The following PCSK6 variants were observed in gnomAD, a reference collection of about 807,000 sequenced individuals.
PCSK6 encodes paired basic amino acid cleaving enzyme 4.
A neutral mutation model predicts 123.3 loss-of-function variants in PCSK6; 85 were observed. The ratio of observed to expected loss-of-function variants is 0.69; its 90% confidence interval spans 0.58 to 0.83. The LOEUF (loss-of-function observed/expected upper bound fraction) is 0.83, where lower values mean the gene tolerates loss of function less well. PCSK6 is among the 40% of genes least tolerant of loss of function. PCSK6 has a pLI of 0.00. For synonymous variants in PCSK6, 508 were observed against 516.0 expected (o/e 0.98, Z 0.21); for missense variants, 1,191 against 1,282.3 (o/e 0.93, Z 1.09).
chr15:101,437,590 T>G (rs2056637946), intron 2 of PCSK6, among the ~76,000 whole-genome samples: 1 of 152,154 alleles, frequency 6.6e-6, no homozygotes, highest in African/African-American at 2.4e-5. Flanking sequence ...TTCTTTCCAT[T>G]GAAGTTAAAC....
chr15:101,306,045 G>A (rs944704363), intron 21 of PCSK6, among the ~76,000 whole-genome samples: 1 of 151,622 alleles, frequency 6.6e-6, no homozygotes, highest in African/African-American at 2.4e-5. Context: ...AGCTTAGGAG[G>A]AAGACTGTAG....
At chr15:101,324,800 A>G in intron 17 of PCSK6, 50 bp downstream of exon 17, 1 of 1,503,686 alleles carries the variant, frequency 6.7e-7, no homozygotes, top group Non-Finnish European at 9.1e-7. Context: ...ACGGGCCCAG[A>G]AAGTTGGGGC....
intron 18 of PCSK6, among the ~76,000 whole-genome samples, 189 bp from the exon 19 acceptor site, chr15:101,318,611 A>G (rs970808773): frequency 1.3e-5 from 2 of 152,238 alleles, no homozygotes; most frequent in Non-Finnish European, 2.9e-5. Context: ...AGGAAGGGGT[A>G]CAAGGCCCTG....
chr15:101,404,682 G>T (rs186562379), intron 6 of PCSK6, among the ~76,000 whole-genome samples: 1 of 152,128 alleles, frequency 6.6e-6, no homozygotes, highest in African/African-American at 2.4e-5. Flanking sequence ...TTTATCTACC[G>T]GGGCAGTTAA....
At chr15:101,483,971 T>C (rs1430831085) in intron 1 of PCSK6, among the ~76,000 whole-genome samples, 1 of 152,118 alleles carries the variant, frequency 6.6e-6, no homozygotes, top group African/African-American at 2.4e-5. Context: ...GCATCTCCCT[T>C]TTCTTTTTTC....
intron 6 of PCSK6, among the ~76,000 whole-genome samples, chr15:101,404,725 G>A (rs1212307948): frequency 1.3e-5 from 2 of 152,142 alleles, no homozygotes; most frequent in Non-Finnish European, 2.9e-5. Flanking sequence ...TGAGGCCCTG[G>A]CCCCGGAACT....
intron 6 of PCSK6, among the ~76,000 whole-genome samples, chr15:101,412,691 T>TCATATATATATATATATATATATATATA (rs2055731499): frequency 1.6e-5 from 2 of 124,740 alleles, no homozygotes; most frequent in African/African-American, 6.9e-5. Context: ...AACTGGAAAA[T>TCATATATATATATATATATATATATATA]TATATATATA....
At chr15:101,408,551 C>A (rs1183815279) in intron 6 of PCSK6, among the ~76,000 whole-genome samples, 2 of 152,170 alleles carry the variant, frequency 1.3e-5, no homozygotes, top group Non-Finnish European at 2.9e-5. Context: ...CTTAGCCTGG[C>A]GATGCTCAGA....
chr15:101,393,073 G>C (rs1213655993), intron 8 of PCSK6, 139 bp downstream of exon 8: 1 of 751,256 alleles, frequency 1.3e-6, no homozygotes, highest in Non-Finnish European at 2.3e-6. Context: ...ATTGTTCGCC[G>C]ATGGGTGAGG....
At position 101,313,442 on chromosome 15, in the gene PCSK6, A is replaced by T; in HGVS notation, c.2633T>A (p.Val878Glu). Reference protein sequence around the residue: ...KNFHFHDWKCVPACGEGFYPE... With the variant: ...KNFHFHDWKCEPACGEGFYPE... Reference sequence around the variant, plus strand: ...GTAGAAGCCCTCACCACAGGCTGGCACACACTTCCAGTCGTGGAAGTGGAA... The same window carrying T: ...GTAGAAGCCCTCACCACAGGCTGGCTCACACTTCCAGTCGTGGAAGTGGAA... The change falls in exon 20 of 22, where the codon GTG (valine) becomes GAG (glutamate). Residue 878 changes from valine (V) to glutamate (E), a missense_variant. By Grantham distance (121) the Val-to-Glu change is moderately radical (BLOSUM62 -2). Transcript: ENST00000611716. 6.2e-7 allele frequency: 1 copy of T among 1,612,354 alleles called. No homozygotes were observed. The highest frequency in any genetic ancestry group is 1.1e-5 in the South Asian group (1 of 91,086).
intron 1 of PCSK6, among the ~76,000 whole-genome samples, chr15:101,448,837 G>C (rs2056959073): frequency 6.6e-6 from 1 of 152,236 alleles, no homozygotes; most frequent in African/African-American, 2.4e-5. Context: ...CAGAGAACCA[G>C]TACCCTCAGC....
At chr15:101,477,619 T>C (rs553685431) in intron 1 of PCSK6, among the ~76,000 whole-genome samples, 3 of 152,362 alleles carry the variant, frequency 2.0e-5, no homozygotes, top group African/African-American at 7.2e-5. Flanking sequence ...TGTTCTTTTC[T>C]GTATTGCAAA....
At chr15:101,461,389 A>G (rs184865817) in intron 1 of PCSK6, among the ~76,000 whole-genome samples, 1 of 152,352 alleles carries the variant, frequency 6.6e-6, no homozygotes, top group Admixed American at 6.5e-5. Flanking sequence ...TCTCTCACAC[A>G]GAACAGGCCT....
At chr15:101,447,604 C>T (rs959348577) in intron 1 of PCSK6, among the ~76,000 whole-genome samples, 7 of 152,208 alleles carry the variant, frequency 4.6e-5, no homozygotes, top group East Asian at 1.9e-4. Flanking sequence ...AAATGGACAG[C>T]GGTGGACTCA....
chr15:101,370,073 CA>C (rs2041530645), intron 12 of PCSK6, among the ~76,000 whole-genome samples: 1 of 152,228 alleles, frequency 6.6e-6, no homozygotes, highest in Non-Finnish European at 1.5e-5. Flanking sequence ...AACGAAACAA[CA>C]ACTCTTTTGT....
intron 1 of PCSK6, among the ~76,000 whole-genome samples, chr15:101,469,664 G>A (rs1480355856): frequency 1.3e-5 from 2 of 152,214 alleles, no homozygotes; most frequent in African/African-American, 2.4e-5. Flanking sequence ...CTAGAGCCGG[G>A]TGCCTCGCTG....
chr15:101,480,304 C>T (rs1345374012), intron 1 of PCSK6, among the ~76,000 whole-genome samples: 1 of 152,260 alleles, frequency 6.6e-6, no homozygotes, highest in African/African-American at 2.4e-5. Context: ...CAGCCCAATT[C>T]AGTAAATGGG....
chr15:101,364,916 C>G (rs2041343478), intron 13 of PCSK6: 1 of 713,654 alleles, frequency 1.4e-6, no homozygotes, highest in Admixed American at 1.8e-5. Flanking sequence ...TACTACAAAG[C>G]TACAGTGATC....
At chr15:101,409,732 G>A (rs1408319123) in intron 6 of PCSK6, among the ~76,000 whole-genome samples, 2 of 152,132 alleles carry the variant, frequency 1.3e-5, no homozygotes, top group Non-Finnish European at 2.9e-5. Flanking sequence ...AAAGTTAAAG[G>A]GGTGAGGGCT....
Sources: gnomAD v4.1 joint callset for allele counts (sites outside exome capture counted in the v4.1 genomes callset) on GRCh38, gnomAD v4.1.1 for gene constraint, MANE v1.5 for transcripts, NCBI Gene and HGNC (gene_info 2026-07-23, HGNC 2026-07-21) for gene names.